ARHGAP20: variants seen among roughly 807,000 people sequenced by gnomAD.
ARHGAP20 encodes the protein rho GTPase-activating protein 20.
In ARHGAP20, 34 loss-of-function variants were observed where a neutral mutation model predicts 73.7. That is an observed-to-expected ratio of 0.46 (90% CI 0.35 to 0.61). The LOEUF (loss-of-function observed/expected upper bound fraction) is 0.61. Ranked by LOEUF, ARHGAP20 falls within the 20% of genes least tolerant of loss-of-function variation. The probability of loss-of-function intolerance (pLI) is 0.00; values close to 1 mark genes in which losing one functional copy is unlikely to be tolerated. For synonymous variants in ARHGAP20, 523 were observed against 518.2 expected, an observed-to-expected ratio of 1.01 and a Z score of -0.13; for missense variants, 1,314 against 1,420.9, an observed-to-expected ratio of 0.92 and a Z score of 1.21.
At chr11:110,667,215 T>C (rs890518259) in intron 2 of ARHGAP20, among the ~76,000 whole-genome samples, 25 of 152,320 alleles carry the variant, frequency 1.6e-4, no homozygotes, top group Non-Finnish European at 2.8e-4. Flanking sequence ...AGGACTTGCA[T>C]AGCTAGGGAG....
At chr11:110,710,490 T>C (rs1250890596) in intron 1 of ARHGAP20, among the ~76,000 whole-genome samples, 1 of 152,212 alleles carries the variant, frequency 6.6e-6, no homozygotes, top group Non-Finnish European at 1.5e-5. Flanking sequence ...TTTGATTTTC[T>C]TCCAATTCCT....
At chr11:110,679,829 C>T (rs1950003829) in intron 2 of ARHGAP20, among the ~76,000 whole-genome samples, 2 of 152,184 alleles carry the variant, frequency 1.3e-5, no homozygotes, top group Admixed American at 1.3e-4. Context: ...AAACCAAAGG[C>T]AGTGACTCAT....
chr11:110,688,423 T>C (rs1333866090), intron 2 of ARHGAP20, among the ~76,000 whole-genome samples: 1 of 152,156 alleles, frequency 6.6e-6, no homozygotes, highest in Non-Finnish European at 1.5e-5. Context: ...TAAGGACTAC[T>C]TTTAAGTGAA....
At chr11:110,701,249 T>C (rs941022709) in intron 1 of ARHGAP20, among the ~76,000 whole-genome samples, 2 of 151,662 alleles carry the variant, frequency 1.3e-5, no homozygotes, top group African/African-American at 4.9e-5. Context: ...CAGCACCTGT[T>C]GTTTCCTGAC....
intron 6 of ARHGAP20, among the ~76,000 whole-genome samples, chr11:110,613,335 C>T (rs1948410910): frequency 6.6e-6 from 1 of 152,142 alleles, no homozygotes; most frequent in African/African-American, 2.4e-5. Flanking sequence ...ACATGCACTC[C>T]TATTTGGGGG....
At chr11:110,589,194 T>C (rs1005062650) in intron 11 of ARHGAP20, among the ~76,000 whole-genome samples, 5 of 152,244 alleles carry the variant, frequency 3.3e-5, no homozygotes, top group African/African-American at 1.2e-4. Flanking sequence ...TATTTTTACA[T>C]ATGCATATTT....
chr11:110,613,931 T>C (rs1419716311), intron 6 of ARHGAP20, among the ~76,000 whole-genome samples: 4 of 152,300 alleles, frequency 2.6e-5, no homozygotes, highest in Admixed American at 2.0e-4. Flanking sequence ...TTGATAACAT[T>C]TATCTCTTGT....
Position 110,592,036 on chromosome 11 carries a change from G to A in ARHGAP20, c.1084C>T (p.Leu362Phe). ...ATATTTGGCAGAGAAATTCCAAAGA[G>A]CTGTCCTGGCATAGGTGATGTTGGC... ...SSPTSPMPGQ[L>F]FGISLPNICE... The change falls in exon 10 of 15, where the codon CTC becomes TTC. Residue 362 changes from leucine to phenylalanine, a missense_variant. Coordinates refer to ENST00000683387, the MANE Select transcript of ARHGAP20 (RefSeq NM_001384657.1). 6.2e-7 allele frequency: 1 copy of A among 1,614,122 alleles called. No homozygotes were observed. The highest frequency in any genetic ancestry group is 8.5e-7 in the Non-Finnish European group (1 of 1,179,998).
At chr11:110,663,599 C>T (rs74602525) in intron 2 of ARHGAP20, among the ~76,000 whole-genome samples, 2,043 of 152,042 alleles carry the variant, frequency 0.013, 53 homozygotes, top group African/African-American at 0.046. Context: ...TAGTTAAAGC[C>T]TTCCCACAAA....
intron 2 of ARHGAP20, among the ~76,000 whole-genome samples, chr11:110,656,547 T>C (rs1949471229): frequency 1.3e-5 from 2 of 152,100 alleles, no homozygotes; most frequent in South Asian, 4.1e-4. Flanking sequence ...GAGAGTTCCC[T>C]CTCCAAGAGG....
intron 9 of ARHGAP20, among the ~76,000 whole-genome samples, chr11:110,596,605 C>T (rs1947968759): frequency 6.6e-6 from 1 of 152,142 alleles, no homozygotes; most frequent in African/African-American, 2.4e-5. Flanking sequence ...CATCTCACAC[C>T]AGTTAGAATG....
chr11:110,591,018 T>A (rs1591300014), intron 10 of ARHGAP20, among the ~76,000 whole-genome samples: 1 of 152,010 alleles, frequency 6.6e-6, no homozygotes, highest in Non-Finnish European at 1.5e-5. Context: ...GGTGAGCAGG[T>A]TGGGGAGATG....
chr11:110,664,645 G>A (rs1408750323), intron 2 of ARHGAP20, among the ~76,000 whole-genome samples: 21 of 150,104 alleles, frequency 1.4e-4, no homozygotes, highest in Admixed American at 1.3e-3. Context: ...GGAGAATGGC[G>A]TGAACCCGGG....
rs1379345023 is a variant in ARHGAP20 at position 110,693,290 on chromosome 11, C to A, written c.106-2661G>T. On this transcript the variant is annotated intron_variant, in intron 1 of 14. Transcript: ENST00000683387. ...TGTTTTTATTTCAGGTTCCATTGTT[C>A]GTACTCAGACTTACTCTATCATTAA... Among the ~76,000 whole-genome samples the A allele has an allele frequency of 2.0e-5, 3 of 151,934 alleles. No individual in the cohort carries two copies. In the East Asian group the frequency reaches 5.8e-4, roughly 29 times the overall value.
In ARHGAP20 at chr11:110,579,465, C is replaced by T. The variant is rs1565415573; in HGVS notation, c.3481G>A (p.Ala1161Thr). The change falls in exon 15 of 15, where the codon GCC becomes ACC. Residue 1161 changes from alanine to threonine, a missense_variant. Physicochemically the swap from Ala to Thr is moderately conservative, Grantham distance 58 (BLOSUM62 0). Around this residue, in one of 3 missense-constraint regions of ARHGAP20, gnomAD observed 641 missense variants for 636.9 expected, o/e 1.01. Coordinates refer to ENST00000683387, the MANE Select transcript of ARHGAP20 (RefSeq NM_001384657.1). ...SGSLPWERAS[A>T]SSWTLEDATS... Reference sequence around the variant, plus strand: ...GCATCCTCTAGAGTCCAAGAGCTGGCTGAGGCTCTTTCCCAAGGCAGAGAA... The same window carrying T: ...GCATCCTCTAGAGTCCAAGAGCTGGTTGAGGCTCTTTCCCAAGGCAGAGAA... 4.3e-6 allele frequency: 7 copies of T among 1,614,170 alleles called. No individual in the cohort carries two copies. The highest frequency in any genetic ancestry group is 5.9e-6 in the Non-Finnish European group (7 of 1,180,030).
intron 2 of ARHGAP20, among the ~76,000 whole-genome samples, chr11:110,640,457 A>G (rs1160982430): frequency 1.3e-5 from 2 of 151,994 alleles, no homozygotes; most frequent in Non-Finnish European, 2.9e-5. Context: ...TTTGGAACAA[A>G]AAGACTACTG....
At chr11:110,713,106 G>C (rs1950707224), upstream of ARHGAP20, 1 of 152,282 alleles carries the variant, frequency 6.6e-6, no homozygotes, top group Non-Finnish European at 1.5e-5. Flanking sequence ...AGAGACGGGG[G>C]CATTCCAAAC....
chr11:110,664,110 A>G (rs2135050642), intron 2 of ARHGAP20, among the ~76,000 whole-genome samples: 1 of 152,300 alleles, frequency 6.6e-6, no homozygotes, highest in South Asian at 2.1e-4. Flanking sequence ...TTTCCTCCTA[A>G]TATTAGGAAT....
At position 110,577,378 on chromosome 11, in the gene ARHGAP20, G is replaced by A; in HGVS notation, c.*1992C>T. On this transcript the variant is annotated 3_prime_UTR_variant, in exon 15 of 15. Coordinates refer to ENST00000683387, the MANE Select transcript of ARHGAP20 (RefSeq NM_001384657.1). ...TTAAGAATTACAGGAGTATCTAAGGGAACACAGATAGTAGGAATGGTTATT... is the reference window on the plus strand; with the variant it reads ...TTAAGAATTACAGGAGTATCTAAGGAAACACAGATAGTAGGAATGGTTATT... 1 of 1,192,610 alleles carries A rather than the reference G, an allele frequency of 8.4e-7. No homozygotes were observed. Among genetic ancestry groups the A allele is most frequent in the Non-Finnish European group, 1.0e-6 (1 of 963,312 alleles). 73.9% of individuals were successfully genotyped at this position (1,192,610 alleles called of 1,614,324 possible).
Sources: gnomAD v4.1 joint callset for allele counts (sites outside exome capture counted in the v4.1 genomes callset) on GRCh38, gnomAD v4.1.1 for gene constraint, gnomAD v4.1.1 regional missense constraint, MANE v1.5 for transcripts, NCBI Gene and HGNC (gene_info 2026-07-23, HGNC 2026-07-21) for gene names.